The following FAM3C variants were observed in gnomAD, a reference collection of about 807,000 sequenced individuals.
FAM3C encodes the protein FAM3 metabolism regulating signaling molecule C, also known as protein FAM3C.
A neutral mutation model predicts 32.5 loss-of-function variants in FAM3C; 15 were observed. The observed-to-expected ratio is 0.46, with a 90% CI of 0.31 to 0.71. The LOEUF is 0.71. Among genes scored for constraint, FAM3C ranks in the 30% least tolerant of loss-of-function variants. FAM3C has a pLI of 0.05. For missense variants in FAM3C, 175 were observed against 274.4 expected (o/e 0.64, Z 2.56); for synonymous variants, 75 against 86.1 (o/e 0.87, Z 0.72).
intron 7 of FAM3C, among the ~76,000 whole-genome samples, chr7:121,361,077 T>TCATTGC (rs1793910997): frequency 6.6e-6 from 1 of 152,184 alleles, no homozygotes; most frequent in Non-Finnish European, 1.5e-5. Flanking sequence ...GTAGCAAATA[T>TCATTGC]TACAGTCATT....
At chr7:121,372,178 C>T (rs1794162272) in intron 3 of FAM3C, 39 bp from the exon 4 acceptor site, 2 of 1,466,762 alleles carry the variant, frequency 1.4e-6, no homozygotes, top group African/African-American at 1.4e-5. Context: ...AGGAATGAGT[C>T]TATTGGCAAG....
intron 1 of FAM3C, 99 bp downstream of exon 1, chr7:121,396,063 G>T (rs116965753): frequency 0.044 from 6,686 of 151,142 alleles, 237 homozygotes; most frequent in Non-Finnish European, 0.061. Flanking sequence ...ACCGCAGTGC[G>T]CGGAGGCTGA....
At chr7:121,374,376 T>G (rs1794202837) in intron 3 of FAM3C, among the ~76,000 whole-genome samples, 1 of 152,226 alleles carries the variant, frequency 6.6e-6, no homozygotes, top group Non-Finnish European at 1.5e-5. Flanking sequence ...ATTTTCATTC[T>G]TCCTTTCTAG....
At chr7:121,395,228 TGG>T in intron 1 of FAM3C, among the ~76,000 whole-genome samples, 1 of 150,804 alleles carries the variant, frequency 6.6e-6, no homozygotes, top group South Asian at 2.1e-4. Context: ...TACATATATA[TGG>T]ATACATACAT....
chr7:121,371,444 T>C (rs1373219671), intron 4 of FAM3C, 21 bp from the exon 5 acceptor site: 2 of 1,611,080 alleles, frequency 1.2e-6, no homozygotes, highest in African/African-American at 1.3e-5. Context: ...GAAAACATGA[T>C]GTCTTTTTTT....
intron 5 of FAM3C, among the ~76,000 whole-genome samples, chr7:121,367,921 G>C (rs1441630248): frequency 6.6e-6 from 1 of 151,742 alleles, no homozygotes; most frequent in Non-Finnish European, 1.5e-5. Context: ...ACCTAAAATT[G>C]CGTCACTGTA....
chr7:121,384,512 GA>G lies in FAM3C; in HGVS notation c.-41-1503del, dbSNP rs1264183046. 5.3e-5 allele frequency among the ~76,000 whole-genome samples: 8 copies of G among 152,140 alleles called. No individual in the cohort carries two copies. The East Asian group carries it at 1.4e-3, about 26-fold the overall frequency. ...TCACTCTTATCTGAGTGTGACCTAGGAAAATTTCTTTGAAAGTGTGATAAGC... is the reference window on the plus strand; with the variant it reads ...TCACTCTTATCTGAGTGTGACCTAGGAAATTTCTTTGAAAGTGTGATAAGC... On this transcript the variant is annotated intron_variant, in intron 1 of 9. Coordinates refer to ENST00000359943, the MANE Select transcript of FAM3C (RefSeq NM_014888.3).
Position 121,371,426 on chromosome 7 carries a change from T to C in FAM3C, c.149-3A>G. ...CTTATATCTGGGAGGCTTTGTAGCT[T>C]TGGGGGAGAAAACATGATGTCTTTT... On this transcript the variant is annotated splice_region_variant and splice_polypyrimidine_tract_variant and intron_variant, in intron 4 of 9. Coordinates refer to ENST00000359943, the MANE Select transcript of FAM3C (RefSeq NM_014888.3). The C allele has an allele frequency of 6.2e-7, 1 of 1,613,324 alleles. No individual in the cohort carries two copies. The highest frequency in any genetic ancestry group is 8.5e-7 in the Non-Finnish European group (1 of 1,179,434).
At chr7:121,371,255 CAATTT>C in intron 5 of FAM3C, 40 bp downstream of exon 5, 1 of 1,598,938 alleles carries the variant, frequency 6.3e-7, no homozygotes, top group East Asian at 2.2e-5. Flanking sequence ...CAATTGGCTG[CAATTT>C]AATAGCACAC....
At chr7:121,381,317 A>T (rs1460140177) in intron 2 of FAM3C, among the ~76,000 whole-genome samples, 19 of 152,150 alleles carry the variant, frequency 1.2e-4, no homozygotes, top group Non-Finnish European at 2.1e-4. Flanking sequence ...AGATTTTTTT[A>T]AAAAAATTAG....
At chr7:121,377,958 G>C (rs1794272725) in intron 3 of FAM3C, among the ~76,000 whole-genome samples, 1 of 152,174 alleles carries the variant, frequency 6.6e-6, no homozygotes, top group African/African-American at 2.4e-5. Context: ...CCCATCATTA[G>C]GTGACACATG....
At chr7:121,394,414 TAA>T (rs1392677469) in intron 1 of FAM3C, among the ~76,000 whole-genome samples, 1 of 152,206 alleles carries the variant, frequency 6.6e-6, no homozygotes, top group Non-Finnish European at 1.5e-5. Flanking sequence ...AAACATCCAT[TAA>T]GTTTATTTTT....
At chr7:121,382,903 A>G in intron 2 of FAM3C, 54 bp downstream of exon 2, 1 of 1,350,958 alleles carries the variant, frequency 7.4e-7, no homozygotes, top group Non-Finnish European at 1.0e-6. Context: ...GTTATTCTTT[A>G]ACAAACAGGT....
At chr7:121,364,424 TAGGCCTGA>T in intron 5 of FAM3C, 3 of 429,212 alleles carry the variant, frequency 7.0e-6, no homozygotes, top group Admixed American at 4.2e-5. Context: ...TAAAAAATAT[TAGGCCTGA>T]AATAATAGAC....
chr7:121,382,414 C>A (rs898625138), intron 2 of FAM3C, among the ~76,000 whole-genome samples: 1 of 152,100 alleles, frequency 6.6e-6, no homozygotes, highest in Non-Finnish European at 1.5e-5. Context: ...AATTTAAGTA[C>A]ATACATATGA....
At chr7:121,370,615 G>C (rs1263256624) in intron 5 of FAM3C, among the ~76,000 whole-genome samples, 1 of 152,112 alleles carries the variant, frequency 6.6e-6, no homozygotes, top group African/African-American at 2.4e-5. Flanking sequence ...CACTGAGGTA[G>C]GATATCAAAA....
intron 5 of FAM3C, among the ~76,000 whole-genome samples, chr7:121,365,003 G>A (rs1793997946): frequency 1.3e-5 from 2 of 152,036 alleles, no homozygotes; most frequent in African/African-American, 2.4e-5. Context: ...GGAGAGAGAG[G>A]CAATATGCAC....
At chr7:121,371,018 T>C (rs1794134037) in intron 5 of FAM3C, among the ~76,000 whole-genome samples, 1 of 152,190 alleles carries the variant, frequency 6.6e-6, no homozygotes, top group African/African-American at 2.4e-5. Flanking sequence ...TGTGTTCTGT[T>C]GCTAGCAAAT....
At chr7:121,390,853 CGGGGGGGGGGGGGGG>C (rs58750532) in intron 1 of FAM3C, among the ~76,000 whole-genome samples, 3 of 7,438 alleles carry the variant, frequency 4.0e-4, no homozygotes, top group South Asian at 5.0e-3. Context: ...CTGTGTGGGG[CGGGGGGGGGGGGGGG>C]GGGGAAGGTA....
Sources: gnomAD v4.1 joint callset for allele counts (sites outside exome capture counted in the v4.1 genomes callset) on GRCh38, gnomAD v4.1.1 for gene constraint, MANE v1.5 for transcripts, NCBI Gene and HGNC (gene_info 2026-07-23, HGNC 2026-07-21) for gene names.